The following MACF1 variants were observed in gnomAD, a reference collection of about 807,000 sequenced individuals.
MACF1 encodes microtubule-actin cross-linking factor 1.
MACF1 carries 193 observed loss-of-function variants against 854.8 expected under a neutral mutation model. That is an observed-to-expected ratio of 0.23 (90% CI 0.20 to 0.25). MACF1 has a LOEUF of 0.25. MACF1 is among the 10% of genes least tolerant of loss of function. The pLI is 1.00. For missense variants in MACF1, 7,722 were observed against 8,929.1 expected (o/e 0.86, Z 5.45); for synonymous variants, 3,185 against 3,226.7 (o/e 0.99, Z 0.44).
At chr1:39,295,686 T>C (rs890388010) in intron 19 of MACF1, 101 bp from the exon 20 acceptor site, 1 of 791,756 alleles carries the variant, frequency 1.3e-6, no homozygotes, top group African/African-American at 1.8e-5. Context: ...TTCTGTTGGC[T>C]TCTCTATCAT....
chr1:39,204,679 A>G (rs1340827012), upstream of MACF1: 3 of 210,188 alleles, frequency 1.4e-5, no homozygotes, highest in South Asian at 2.8e-4. Flanking sequence ...TAAGCTGAGC[A>G]GAGGATGCCA....
At chr1:39,438,151 A>G (rs924532179) in intron 71 of MACF1, 143 bp downstream of exon 71, 23 of 752,412 alleles carry the variant, frequency 3.1e-5, no homozygotes, top group Non-Finnish European at 4.0e-5. Context: ...GTCACTGGAA[A>G]ATCATTTGGA....
At chr1:39,402,726 T>TA (rs1311245393) in intron 58 of MACF1, among the ~76,000 whole-genome samples, 3 of 152,354 alleles carry the variant, frequency 2.0e-5, no homozygotes, top group African/African-American at 7.2e-5. Flanking sequence ...ACTGCTCTCT[T>TA]AGATATTCAT....
intron 56 of MACF1, among the ~76,000 whole-genome samples, chr1:39,382,521 A>G (rs1650320417): frequency 1.3e-5 from 2 of 151,574 alleles, no homozygotes; most frequent in Admixed American, 1.3e-4. Context: ...TGGCTAACAC[A>G]ATGAAACCCT....
chr1:39,181,352 C>T (rs1644102712), intron 2 of MACF1, among the ~76,000 whole-genome samples: 2 of 152,132 alleles, frequency 1.3e-5, no homozygotes, highest in Admixed American at 1.3e-4. Context: ...CTCACATTGC[C>T]TTTTACTTTA....
intron 69 of MACF1, among the ~76,000 whole-genome samples, chr1:39,435,262 T>C (rs573572143): frequency 6.6e-6 from 1 of 151,798 alleles, no homozygotes; most frequent in South Asian, 2.1e-4. Flanking sequence ...TACAGAAGAG[T>C]GTGGAGTAGA....
chr1:39,337,454 C>A (rs1371434564), intron 38 of MACF1, 123 bp downstream of exon 38: 1 of 893,704 alleles, frequency 1.1e-6, no homozygotes, highest in Non-Finnish European at 1.6e-6. Context: ...CAATCTCAGA[C>A]CCTTGTCAGA....
rs1227090117 is a variant in MACF1, at chr1:39,336,443, A to G, written c.9855A>G (p.Thr3285=). 6.2e-7 allele frequency: 1 copy of G among 1,614,078 alleles called. No individual in the cohort carries two copies. Among genetic ancestry groups the G allele is most frequent in the Non-Finnish European group, 8.5e-7 (1 of 1,180,026 alleles). ...LFKGVSQKEN[T]GQQNAIISPT... is the part of the protein sequence containing the mutation. Reference sequence around the variant, plus strand: ...AAGGAGTGTCTCAAAAAGAGAATACAGGGCAACAGAATGCCATCATTAGTC... The same window carrying G: ...AAGGAGTGTCTCAAAAAGAGAATACGGGGCAACAGAATGCCATCATTAGTC... The change falls in exon 37 of 101, where the codon ACA becomes ACG. Residue 3285 remains threonine (T), a synonymous_variant. Coordinates refer to ENST00000564288, the MANE Select transcript of MACF1 (RefSeq NM_001394062.1).
chr1:39,215,446 T>TG (rs1571183204), intron 1 of MACF1: 1 of 151,476 alleles, frequency 6.6e-6, no homozygotes, highest in Admixed American at 6.6e-5. Context: ...ATGTGAAGTT[T>TG]TTTTTTTTTT....
In MACF1 at chr1:39,251,900, A is replaced by C. The variant is rs1029180825; in HGVS notation, c.316A>C (p.Thr106Pro). 2.6e-6 allele frequency: 4 copies of C among 1,520,620 alleles called. No homozygotes were observed. In the African/African-American group the frequency reaches 5.5e-5, roughly 21 times the overall value. 94.2% of individuals were successfully genotyped at this position (1,520,620 alleles called of 1,614,324 possible). Residue 106 changes from threonine (T) to proline (P), a missense_variant, in exon 4 of 101, where the codon ACA becomes CCA. By Grantham distance (38) the Thr-to-Pro change is conservative. Coordinates refer to ENST00000564288, the MANE Select transcript of MACF1 (RefSeq NM_001394062.1). ...GGTGAGCATGCCCTCCTGGTGCCAT[A>C]CAAACAACGAGGAGCAGGCGGAGGA... Reference protein sequence around the residue: ...RLVSMPSWCHTNNEEQAEEDD... With the variant: ...RLVSMPSWCHPNNEEQAEEDD...
At chr1:39,324,436 C>G (rs1333302466) in intron 34 of MACF1, 91 bp downstream of exon 34, 6 of 1,451,262 alleles carry the variant, frequency 4.1e-6, no homozygotes, top group Non-Finnish European at 5.6e-6. Context: ...TGGGCCATTC[C>G]AGAAGTGATT....
intron 1 of MACF1, among the ~76,000 whole-genome samples, chr1:39,213,151 A>G (rs2148279279): frequency 6.6e-6 from 1 of 152,320 alleles, no homozygotes. Context: ...AAATGATAAT[A>G]TCTTTCTTGG....
chr1:39,352,805 T>C (rs1647230184), intron 43 of MACF1, among the ~76,000 whole-genome samples: 2 of 151,534 alleles, frequency 1.3e-5, no homozygotes, highest in South Asian at 4.2e-4. Context: ...CAGTAAGATA[T>C]AATGAAATGT....
chr1:39,277,696 A>G (rs945893773), intron 6 of MACF1, among the ~76,000 whole-genome samples: 2 of 152,154 alleles, frequency 1.3e-5, no homozygotes, highest in Non-Finnish European at 2.9e-5. Flanking sequence ...TTGCTGAGCA[A>G]TCCTCTGGCA....
rs200739487 is a variant in MACF1, at chr1:39,186,214, CTGTGTGTGTGTGTGTG to C, written c.221-44950_221-44935del. Among the ~76,000 whole-genome samples the C allele has an allele frequency of 4.1e-3, 235 of 57,894 alleles. 2 individuals are homozygous for C. Among genetic ancestry groups the C allele is most frequent in the African/African-American group, 9.4e-3 (194 of 20,644 alleles). The allele number at this position is 57,894 out of a possible 152,430, so 38.0% of individuals were successfully genotyped here. A position where few individuals can be genotyped will look rare whatever the true frequency, so the allele number is the denominator to read the frequency against. On this transcript the variant is annotated intron_variant, in intron 2 of 93. Transcript: ENST00000361689. ...TCTCTCTCTCTCTCTCTCTCTCTCT[CTGTGTGTGTGTGTGTG>C]TGTGTGTGTGTGTGTGTTTTGGTGG...
intron 100 of MACF1, 131 bp from the exon 101 acceptor site, chr1:39,485,407 G>A: frequency 2.8e-6 from 3 of 1,081,176 alleles, no homozygotes; most frequent in Non-Finnish European, 3.9e-6. Context: ...GTATGGATGA[G>A]GAAACTGGGG....
chr1:39,088,193 C>T (rs1034505716), intron 2 of MACF1, among the ~76,000 whole-genome samples: 1 of 152,042 alleles, frequency 6.6e-6, no homozygotes, highest in Admixed American at 6.6e-5. Context: ...AGGATGGTCT[C>T]CATCTCCTGA....
At chr1:39,415,334 ATTT>A (rs900085763) in intron 58 of MACF1, among the ~76,000 whole-genome samples, 1 of 142,330 alleles carries the variant, frequency 7.0e-6, no homozygotes, top group African/African-American at 2.6e-5. Context: ...GATTCTTTTT[ATTT>A]TTTTTTTTTA....
intron 97 of MACF1, among the ~76,000 whole-genome samples, chr1:39,473,853 G>A (rs556867013): frequency 1.2e-4 from 18 of 152,306 alleles, no homozygotes; most frequent in Admixed American, 3.9e-4. Context: ...CTAGTGCAGG[G>A]AACAAACATG....
Sources: gnomAD v4.1 joint callset for allele counts (sites outside exome capture counted in the v4.1 genomes callset) on GRCh38, gnomAD v4.1.1 for gene constraint, MANE v1.5 for transcripts, NCBI Gene and HGNC (gene_info 2026-07-23, HGNC 2026-07-21) for gene names.